The following SNTG1 variants were observed in gnomAD, a reference collection of about 807,000 sequenced individuals.
The protein encoded by SNTG1 is syntrophin gamma 1.
SNTG1 carries 39 observed loss-of-function variants against 74.7 expected under a neutral mutation model. The ratio of observed to expected loss-of-function variants is 0.52; its 90% CI spans 0.40 to 0.68. SNTG1 has a LOEUF of 0.68. Among genes scored for constraint, SNTG1 ranks in the 30% least tolerant of loss-of-function variants. SNTG1 has a pLI of 0.00. For missense variants in SNTG1, 685 were observed against 609.5 expected, an observed-to-expected ratio of 1.12 and a Z score of -1.30; for synonymous variants, 254 against 217.1, an observed-to-expected ratio of 1.17 and a Z score of -1.49.
intron 9 of SNTG1, among the ~76,000 whole-genome samples, chr8:50,518,911 T>C (rs1563514711): frequency 1.3e-5 from 2 of 152,062 alleles, no homozygotes; most frequent in African/African-American, 2.4e-5. Flanking sequence ...CTGAAACTAT[T>C]CCAAACCATT....
chr8:49,946,417 T>C (rs1809195257), intron 1 of SNTG1, among the ~76,000 whole-genome samples: 1 of 152,204 alleles, frequency 6.6e-6, no homozygotes, highest in Admixed American at 6.5e-5. Flanking sequence ...GATACGTGTA[T>C]GGTGGTGGGA....
intron 2 of SNTG1, among the ~76,000 whole-genome samples, chr8:50,280,154 C>A (rs1479352623): frequency 6.6e-6 from 1 of 152,172 alleles, no homozygotes. Context: ...TAGGCGTGAG[C>A]CCTCTCATTT....
intron 2 of SNTG1, among the ~76,000 whole-genome samples, chr8:50,288,095 T>C (rs1190688285): frequency 4.6e-5 from 7 of 152,162 alleles, no homozygotes; most frequent in African/African-American, 1.7e-4. Context: ...TTCATATTTG[T>C]ATTTCTAGTA....
intron 2 of SNTG1, among the ~76,000 whole-genome samples, chr8:50,222,667 G>A (rs1359587753): frequency 3.9e-5 from 6 of 152,108 alleles, no homozygotes; most frequent in African/African-American, 1.4e-4. Context: ...TTTGCCGCTA[G>A]GGATTGCCAA....
Position 50,085,296 on chromosome 8 carries a change from C to T in SNTG1, c.-102-87265C>T, listed in dbSNP as rs771772964. On this transcript the variant is annotated intron_variant, in intron 1 of 18. Transcript: ENST00000642720. ...GTAACTGACAACTCCATAGCAGCAT[C>T]TACACTCTCCTTTTTAAATGTCACA... Among the ~76,000 whole-genome samples the T allele has an allele frequency of 5.8e-4, 88 of 152,200 alleles. 1 individual carries two copies. Among genetic ancestry groups the T allele is most frequent in the Non-Finnish European group, 2.2e-4 (15 of 68,032 alleles).
At chr8:50,316,910 A>G (rs981539049) in intron 2 of SNTG1, among the ~76,000 whole-genome samples, 40 of 152,286 alleles carry the variant, frequency 2.6e-4, no homozygotes, top group African/African-American at 9.4e-4. Flanking sequence ...ATTTATAGAG[A>G]TAGTACTTAA....
intron 1 of SNTG1, among the ~76,000 whole-genome samples, chr8:49,924,396 G>A (rs916386544): frequency 2.7e-4 from 41 of 152,158 alleles, no homozygotes; most frequent in Non-Finnish European, 4.7e-4. Context: ...GGCAAATACA[G>A]ATAATAACCC....
At chr8:50,276,373 TTATA>T (rs6150576) in intron 2 of SNTG1, among the ~76,000 whole-genome samples, 10,712 of 142,806 alleles carry the variant, frequency 0.075, 520 homozygotes, top group African/African-American at 0.14. Flanking sequence ...CAAGTAAATT[TTATA>T]TATATATATA....
intron 1 of SNTG1, among the ~76,000 whole-genome samples, chr8:49,999,754 C>G (rs939692641): frequency 6.6e-6 from 1 of 152,122 alleles, no homozygotes; most frequent in Non-Finnish European, 1.5e-5. Context: ...GCTCTCCCAC[C>G]GAGCCAGTGC....
chr8:50,217,397 AATCTTAAAAACTCT>A (rs1178541670), intron 2 of SNTG1, among the ~76,000 whole-genome samples: 1 of 152,072 alleles, frequency 6.6e-6, no homozygotes, highest in African/African-American at 2.4e-5. Context: ...TGTCAGAATC[AATCTTAAAAACTCT>A]ATTTCCTGAC....
intron 12 of SNTG1, among the ~76,000 whole-genome samples, chr8:50,583,999 AC>A (rs1398441175): frequency 3.3e-5 from 5 of 151,600 alleles, no homozygotes; most frequent in Non-Finnish European, 7.4e-5. Flanking sequence ...TTCAATTCCC[AC>A]CTATGAGTGA....
At chr8:50,717,685 G>A (rs908165473) in intron 17 of SNTG1, among the ~76,000 whole-genome samples, 4 of 152,146 alleles carry the variant, frequency 2.6e-5, no homozygotes, top group African/African-American at 9.7e-5. Context: ...GACACAGTGA[G>A]CCTCATTTTC....
At chr8:50,216,153 T>A (rs1428818315) in intron 2 of SNTG1, among the ~76,000 whole-genome samples, 1 of 152,142 alleles carries the variant, frequency 6.6e-6, no homozygotes, top group Non-Finnish European at 1.5e-5. Context: ...CTGGCTAGAT[T>A]GATTTGCTCC....
chr8:50,735,317 A>T (rs975094898), intron 17 of SNTG1, among the ~76,000 whole-genome samples: 2 of 151,762 alleles, frequency 1.3e-5, no homozygotes, highest in Non-Finnish European at 2.9e-5. Flanking sequence ...TTAGACAAAA[A>T]CTCCTCCAAT....
intron 13 of SNTG1, among the ~76,000 whole-genome samples, chr8:50,652,354 T>G (rs544811654): frequency 6.6e-6 from 1 of 152,312 alleles, no homozygotes; most frequent in Non-Finnish European, 1.5e-5. Flanking sequence ...ATTGTATTAA[T>G]TGAATTGTTC....
At chr8:50,001,161 C>T (rs1051816751) in intron 1 of SNTG1, among the ~76,000 whole-genome samples, 2 of 151,934 alleles carry the variant, frequency 1.3e-5, no homozygotes, top group African/African-American at 4.8e-5. Context: ...TGTGCAGGGG[C>T]TTAGTATTCA....
At chr8:50,087,709 T>A (rs1368915035) in intron 1 of SNTG1, among the ~76,000 whole-genome samples, 1 of 152,148 alleles carries the variant, frequency 6.6e-6, no homozygotes. Flanking sequence ...ATGTAAACAA[T>A]TAGACAGACA....
intron 1 of SNTG1, among the ~76,000 whole-genome samples, chr8:50,032,333 A>G (rs941802316): frequency 6.7e-6 from 1 of 149,882 alleles, no homozygotes; most frequent in African/African-American, 2.5e-5. Context: ...TTTACTTGGG[A>G]GTTAATTTTG....
intron 1 of SNTG1, among the ~76,000 whole-genome samples, chr8:49,928,776 T>G (rs1432770269): frequency 3.3e-5 from 5 of 152,116 alleles, no homozygotes; most frequent in Non-Finnish European, 5.9e-5. Context: ...AAATAATATT[T>G]TTTAAATCAG....
Sources: allele counts gnomAD v4.1 joint callset (sites outside exome capture counted in the v4.1 genomes callset), GRCh38; gene constraint gnomAD v4.1.1; transcripts MANE v1.5; gene names NCBI Gene and HGNC (gene_info 2026-07-23, HGNC 2026-07-21).